Variants in BTBD7 observed in about 807,000 individuals in gnomAD.
BTBD7 encodes BTB/POZ domain-containing protein 7.
A neutral mutation model predicts 99.9 loss-of-function variants in BTBD7; 38 were observed. That is an observed-to-expected ratio of 0.38 (90% CI 0.29 to 0.50). The LOEUF is 0.50. Ranked by LOEUF, BTBD7 falls within the 20% of genes least tolerant of loss-of-function variation. The probability of loss-of-function intolerance (pLI) is 0.93; values close to 1 mark genes in which losing one functional copy is unlikely to be tolerated. For synonymous variants in BTBD7, 520 were observed against 511.4 expected, an observed-to-expected ratio of 1.02 and a Z score of -0.23; for missense variants, 1,170 against 1,394.6, an observed-to-expected ratio of 0.84 and a Z score of 2.57.
chr14:93,264,576 T>C (rs766962748), intron 3 of BTBD7, among the ~76,000 whole-genome samples: 3 of 152,108 alleles, frequency 2.0e-5, no homozygotes, highest in Non-Finnish European at 4.4e-5. Flanking sequence ...AAAGCAACTA[T>C]GGCATTTCAA....
intron 8 of BTBD7, among the ~76,000 whole-genome samples, chr14:93,249,891 T>G (rs994289627): frequency 2.0e-5 from 3 of 152,184 alleles, no homozygotes; most frequent in Non-Finnish European, 4.4e-5. Flanking sequence ...AGAAACTGAC[T>G]AGAGCAGTGA....
rs535868789 is a variant in BTBD7 at position 93,303,525 on chromosome 14, T to C, written c.-106-7368A>G. Among the ~76,000 whole-genome samples, 21 of 152,112 alleles carry C rather than the reference T, an allele frequency of 1.4e-4. No individual in the cohort carries two copies. The South Asian group carries it at 1.9e-3, about 14-fold the overall frequency. ...AAACAGGAGCCTATCAAAAGAGAAA[T>C]GTCTTTTGAGGGACTTGGGCCTGTG... On this transcript the variant is annotated intron_variant, in intron 1 of 10. Transcript: ENST00000334746.
Position 93,294,567 on chromosome 14 carries a change from A to C in BTBD7, c.453T>G (p.Thr151=), listed in dbSNP as rs1255922562. 6.2e-7 allele frequency: 1 copy of C among 1,613,844 alleles called. No homozygotes were observed. The highest frequency in any genetic ancestry group is 8.5e-7 in the Non-Finnish European group (1 of 1,179,942). The change falls in exon 3 of 11, where the codon ACT becomes ACG. Residue 151 remains threonine (T), a synonymous_variant. Coordinates refer to ENST00000334746, the MANE Select transcript of BTBD7 (RefSeq NM_001002860.4). The part of the protein sequence containing the change: ...CTDVDLIFQE[T]CFPVHRAILA... ...AAATGGCACGATGAACAGGAAAACA[A>C]GTTTCTTGAAATATTAAGTCTACAT...
chr14:93,302,673 T>C (rs7146429), intron 1 of BTBD7, among the ~76,000 whole-genome samples: 58,278 of 151,826 alleles, frequency 0.38, 12,341 homozygotes, highest in African/African-American at 0.58. Flanking sequence ...GGTGAAACCC[T>C]GTCTCTACTA....
At chr14:93,298,434 T>C (rs1238132805) in intron 1 of BTBD7, among the ~76,000 whole-genome samples, 2 of 152,214 alleles carry the variant, frequency 1.3e-5, no homozygotes, top group Non-Finnish European at 2.9e-5. Flanking sequence ...TACATAAACT[T>C]TGTTTCATGC....
intron 1 of BTBD7, among the ~76,000 whole-genome samples, chr14:93,324,419 C>CAAAAAAAAAAAA (rs2053304071): frequency 1.6e-5 from 1 of 62,824 alleles, no homozygotes; most frequent in Admixed American, 1.3e-4. Flanking sequence ...GAGACCCTGT[C>CAAAAAAAAAAAA]TCAAAAAAAA....
chr14:93,255,342 T>TCA (rs1440302678), intron 6 of BTBD7, among the ~76,000 whole-genome samples: 1 of 152,030 alleles, frequency 6.6e-6, no homozygotes, highest in East Asian at 1.9e-4. Context: ...AGACAGTGTT[T>TCA]CACCATGTTG....
chr14:93,262,784 T>TG (rs959296432), intron 4 of BTBD7, among the ~76,000 whole-genome samples: 2 of 124,274 alleles, frequency 1.6e-5, no homozygotes, highest in African/African-American at 9.2e-5. Flanking sequence ...TGCTCTCTGT[T>TG]TTTTTTTTTT....
chr14:93,328,654 C>G (rs1030683017), intron 1 of BTBD7, among the ~76,000 whole-genome samples: 7 of 147,602 alleles, frequency 4.7e-5, no homozygotes, highest in Non-Finnish European at 1.0e-4. Context: ...CACAGTGGCT[C>G]ACACCTGTAA....
At position 93,296,082 on chromosome 14, in the gene BTBD7, G is replaced by A. The variant is rs769152246; in HGVS notation, c.-31C>T. ...TCAGTCACTCAGGCATTCCGTCTGCGGGTTCTTCAGAGTATAATCCCAGAG... is the reference window on the plus strand; with the variant it reads ...TCAGTCACTCAGGCATTCCGTCTGCAGGTTCTTCAGAGTATAATCCCAGAG... On this transcript the variant is annotated 5_prime_UTR_variant, in exon 2 of 11. Transcript: ENST00000334746. 12 of 1,609,742 alleles carry A rather than the reference G, an allele frequency of 7.5e-6. No homozygotes were observed. Among genetic ancestry groups the A allele is most frequent in the African/African-American group, 5.3e-5 (4 of 74,908 alleles).
At chr14:93,244,517 T>G (rs780425567) in intron 10 of BTBD7, among the ~76,000 whole-genome samples, 3 of 151,996 alleles carry the variant, frequency 2.0e-5, no homozygotes, top group Non-Finnish European at 4.4e-5. Flanking sequence ...GGCGTGGTGG[T>G]GCGTGCCTGT....
chr14:93,312,771 C>G (rs11846389), intron 1 of BTBD7, among the ~76,000 whole-genome samples: 8,949 of 152,124 alleles, frequency 0.059, 889 homozygotes, highest in African/African-American at 0.2. Context: ...GTTCTTCTGC[C>G]CAGCCCACTG....
chr14:93,270,257 G>A (rs969561760), intron 3 of BTBD7, among the ~76,000 whole-genome samples: 48 of 152,016 alleles, frequency 3.2e-4, no homozygotes, highest in Middle Eastern at 6.8e-3. Context: ...CACAACACCC[G>A]GCTAACTTTT....
chr14:93,295,949 G>T lies in BTBD7; in HGVS notation c.82+21C>A, dbSNP rs537682624. The T allele has an allele frequency of 1.9e-6, 3 of 1,611,220 alleles. No homozygotes were observed. The African/African-American group carries it at 4.0e-5, about 22-fold the overall frequency. ...TATTATAGTCACAAAAGAAAATGAA[G>T]TTAGAAAAACTGAAAGTTACCTATA... On this transcript the variant is annotated intron_variant, in intron 2 of 10. Coordinates refer to ENST00000334746, the MANE Select transcript of BTBD7 (RefSeq NM_001002860.4).
chr14:93,247,509 CTGA>C (rs2052326649), intron 9 of BTBD7, among the ~76,000 whole-genome samples: 1 of 152,186 alleles, frequency 6.6e-6, no homozygotes, highest in South Asian at 2.1e-4. Context: ...CCACACCTGG[CTGA>C]TGTTTGCATT....
At chr14:93,274,914 A>G (rs2052639108) in intron 3 of BTBD7, among the ~76,000 whole-genome samples, 2 of 152,216 alleles carry the variant, frequency 1.3e-5, no homozygotes, top group African/African-American at 2.4e-5. Context: ...TAAAAAAATT[A>G]TTGAGCTTTG....
chr14:93,270,493 G>T (rs2052590550), intron 3 of BTBD7, among the ~76,000 whole-genome samples: 1 of 151,820 alleles, frequency 6.6e-6, no homozygotes, highest in African/African-American at 2.4e-5. Flanking sequence ...AGGAGTTCGA[G>T]ACAAGCCTAG....
At chr14:93,261,344 A>T (rs1019248195) in intron 5 of BTBD7, among the ~76,000 whole-genome samples, 1 of 152,218 alleles carries the variant, frequency 6.6e-6, no homozygotes, top group Non-Finnish European at 1.5e-5. Context: ...TACTTCCACG[A>T]ATCAGTCATG....
chr14:93,251,639 T>C lies in BTBD7; in HGVS notation c.1766A>G (p.Glu589Gly). Residue 589 changes from glutamate (E) to glycine (G), a missense_variant, in exon 8 of 11, where the codon GAG (glutamate) becomes GGG (glycine). Coordinates refer to ENST00000334746, the MANE Select transcript of BTBD7 (RefSeq NM_001002860.4). The stretch of plus-strand genomic sequence containing the variant: ...AAGATCCGTTTGTTCCACCATCATC[T>C]CATCTAGCACTGACTGAAATAATCA... ...YVEEAKSVLD[E>G]MMVEQTDLVR... The C allele has an allele frequency of 6.2e-7, 1 of 1,612,562 alleles. No individual in the cohort carries two copies. The highest frequency in any genetic ancestry group is 8.5e-7 in the Non-Finnish European group (1 of 1,178,870).
Sources: allele counts gnomAD v4.1 joint callset (sites outside exome capture counted in the v4.1 genomes callset), GRCh38; gene constraint gnomAD v4.1.1; transcripts MANE v1.5; gene names NCBI Gene and HGNC (gene_info 2026-07-23, HGNC 2026-07-21).